Variants in DLG2 observed in about 807,000 individuals in gnomAD.
The protein encoded by DLG2 is discs large MAGUK scaffold protein 2.
Under a neutral mutation model 132.5 loss-of-function variants are expected in DLG2, and 45 were observed. The ratio of observed to expected loss-of-function variants is 0.34; its 90% CI spans 0.27 to 0.44. The LOEUF (loss-of-function observed/expected upper bound fraction) is 0.44, where lower values mean the gene tolerates loss of function less well. Ranked by LOEUF, DLG2 falls within the 20% of genes least tolerant of loss-of-function variation. The pLI is 1.00. For missense variants in DLG2, 1,045 were observed against 1,196.9 expected, an observed-to-expected ratio of 0.87 and a Z score of 1.87; for synonymous variants, 424 against 419.6, an observed-to-expected ratio of 1.01 and a Z score of -0.13.
At chr11:85,145,495 A>T (rs2076781174) in intron 5 of DLG2, among the ~76,000 whole-genome samples, 1 of 151,976 alleles carries the variant, frequency 6.6e-6, no homozygotes. Context: ...TAGATCTCAT[A>T]GGTTTGCTTC....
intron 6 of DLG2, among the ~76,000 whole-genome samples, chr11:85,041,788 G>A (rs546671031): frequency 6.6e-6 from 1 of 151,966 alleles, no homozygotes; most frequent in African/African-American, 2.4e-5. Flanking sequence ...GAGAAAGGAA[G>A]AACTCTCTGT....
intron 19 of DLG2, among the ~76,000 whole-genome samples, chr11:83,591,733 C>T (rs1177300833): frequency 5.9e-5 from 9 of 152,168 alleles, no homozygotes; most frequent in Non-Finnish European, 1.2e-4. Context: ...GATTGTATAT[C>T]TAGAAAACTC....
chr11:84,996,737 C>T (rs956042435), intron 6 of DLG2, among the ~76,000 whole-genome samples: 55 of 152,162 alleles, frequency 3.6e-4, no homozygotes, highest in African/African-American at 1.2e-3. Flanking sequence ...AATCACACCA[C>T]TATCTGATTT....
chr11:85,382,744 A>G (rs2085995568), intron 3 of DLG2, among the ~76,000 whole-genome samples: 1 of 152,202 alleles, frequency 6.6e-6, no homozygotes, highest in South Asian at 2.1e-4. Context: ...AAAGATGTTC[A>G]ACATCATTAG....
intron 6 of DLG2, among the ~76,000 whole-genome samples, chr11:85,009,606 T>C (rs1046527533): frequency 4.6e-5 from 7 of 152,132 alleles, no homozygotes; most frequent in South Asian, 4.1e-4. Flanking sequence ...AGAAACTTTT[T>C]TTCTGTTCTT....
chr11:84,627,265 C>A (rs1402065463), intron 6 of DLG2, among the ~76,000 whole-genome samples: 1 of 152,198 alleles, frequency 6.6e-6, no homozygotes, highest in Non-Finnish European at 1.5e-5. Flanking sequence ...TATGCACAAT[C>A]ACTTATTCAA....
intron 14 of DLG2, among the ~76,000 whole-genome samples, chr11:83,943,029 G>A (rs2154140375): frequency 1.3e-5 from 2 of 152,210 alleles, no homozygotes; most frequent in African/African-American, 4.8e-5. Flanking sequence ...TTTTATAAGG[G>A]GGAGTTTCCC....
chr11:85,012,766 G>A (rs1216311557), intron 6 of DLG2, among the ~76,000 whole-genome samples: 2 of 152,106 alleles, frequency 1.3e-5, no homozygotes, highest in Non-Finnish European at 2.9e-5. Flanking sequence ...TATCAAATGA[G>A]TATTTTTTCC....
At chr11:85,465,805 C>T (rs1231325124) in intron 3 of DLG2, among the ~76,000 whole-genome samples, 1 of 151,680 alleles carries the variant, frequency 6.6e-6, no homozygotes, top group Non-Finnish European at 1.5e-5. Flanking sequence ...ATTTATAATC[C>T]TTTGGGTATA....
intron 18 of DLG2, among the ~76,000 whole-genome samples, chr11:83,771,604 A>C (rs12802155): frequency 0.041 from 6,214 of 152,276 alleles, 179 homozygotes; most frequent in Middle Eastern, 0.099. Context: ...CTGTAACACA[A>C]CGTAAGTATT....
At chr11:84,786,368 T>C (rs1238711159) in intron 6 of DLG2, among the ~76,000 whole-genome samples, 2 of 152,152 alleles carry the variant, frequency 1.3e-5, no homozygotes, top group Non-Finnish European at 2.9e-5. Context: ...CACAGATATA[T>C]AGAACTAACC....
intron 18 of DLG2, among the ~76,000 whole-genome samples, chr11:83,745,823 A>C (rs529638018): frequency 7.9e-5 from 12 of 152,114 alleles, no homozygotes; most frequent in African/African-American, 2.9e-4. Context: ...AATTTTTGCA[A>C]TCTACTCATC....
At chr11:84,503,811 T>C (rs1286121592) in intron 7 of DLG2, among the ~76,000 whole-genome samples, 1 of 152,248 alleles carries the variant, frequency 6.6e-6, no homozygotes, top group Non-Finnish European at 1.5e-5. Context: ...TATTACCCTG[T>C]AAGCATCACT....
rs1047527220 is a variant in DLG2 at position 84,299,720 on chromosome 11, T to G, written c.520-48429A>C. Among the ~76,000 whole-genome samples the G allele has an allele frequency of 2.6e-5, 4 of 152,316 alleles. No individual in the cohort carries two copies. The East Asian group carries it at 5.8e-4, about 22-fold the overall frequency. On this transcript the variant is annotated intron_variant, in intron 7 of 27. Transcript: ENST00000376104. Reference sequence around the variant, plus strand: ...AAACGAGTCCATAGGGAACTCCCAATTATGTTGGGTTGTTTTGTAAACTCA... The same window carrying G: ...AAACGAGTCCATAGGGAACTCCCAAGTATGTTGGGTTGTTTTGTAAACTCA...
chr11:84,778,786 C>A (rs922550804), intron 6 of DLG2, among the ~76,000 whole-genome samples: 1 of 152,108 alleles, frequency 6.6e-6, no homozygotes, highest in Non-Finnish European at 1.5e-5. Context: ...GGAAGACTCA[C>A]CCTCAAGAAG....
chr11:85,503,830 G>T (rs1276652334), intron 3 of DLG2, among the ~76,000 whole-genome samples: 1 of 152,092 alleles, frequency 6.6e-6, no homozygotes, highest in African/African-American at 2.4e-5. Context: ...TATTCAGGAG[G>T]CTGAGGCATG....
intron 7 of DLG2, among the ~76,000 whole-genome samples, chr11:84,290,472 G>A (rs1443584525): frequency 6.6e-6 from 1 of 152,056 alleles, no homozygotes; most frequent in African/African-American, 2.4e-5. Flanking sequence ...TTATCGCAGG[G>A]TTCTTCTGAG....
At chr11:83,787,478 C>T (rs909155428) in intron 17 of DLG2, among the ~76,000 whole-genome samples, 2 of 151,794 alleles carry the variant, frequency 1.3e-5, no homozygotes, top group African/African-American at 4.8e-5. Flanking sequence ...CCCGCCACCA[C>T]GCCCGGCTAA....
At chr11:83,802,873 G>A (rs887061576) in intron 17 of DLG2, among the ~76,000 whole-genome samples, 1 of 152,110 alleles carries the variant, frequency 6.6e-6, no homozygotes, top group African/African-American at 2.4e-5. Flanking sequence ...GCTTTAAGGG[G>A]CTATGGTATT....
Sources: allele counts gnomAD v4.1 joint callset (sites outside exome capture counted in the v4.1 genomes callset), GRCh38; gene constraint gnomAD v4.1.1; transcripts MANE v1.5; gene names NCBI Gene and HGNC (gene_info 2026-07-23, HGNC 2026-07-21).